Variants in AMPH observed in about 807,000 individuals in gnomAD.
AMPH encodes the protein amphiphysin.
AMPH carries 49 observed loss-of-function variants against 99.1 expected under a neutral mutation model. That is an observed-to-expected ratio of 0.49 (90% CI 0.39 to 0.63). The LOEUF (loss-of-function observed/expected upper bound fraction) is 0.63. Among genes scored for constraint, AMPH ranks in the 20% least tolerant of loss-of-function variants. The pLI, the probability that AMPH is intolerant of heterozygous loss-of-function variation, is 0.00. For missense variants in AMPH, 759 were observed against 863.4 expected, an observed-to-expected ratio of 0.88 and a Z score of 1.52; for synonymous variants, 314 against 317.3, an observed-to-expected ratio of 0.99 and a Z score of 0.11.
intron 14 of AMPH, chr7:38,429,009 TC>T (rs1286879140): frequency 7.8e-7 from 1 of 1,290,012 alleles, no homozygotes; most frequent in Non-Finnish European, 1.0e-6. Context: ...CTCTTCAAAT[TC>T]CTCTGTACCT....
chr7:38,440,232 G>C (rs1313207106), intron 11 of AMPH, among the ~76,000 whole-genome samples: 1 of 152,192 alleles, frequency 6.6e-6, no homozygotes, highest in Non-Finnish European at 1.5e-5. Context: ...GGTAGCAGTA[G>C]ATTTCTCACC....
intron 1 of AMPH, among the ~76,000 whole-genome samples, chr7:38,560,028 A>C (rs1393611943): frequency 6.6e-6 from 1 of 152,256 alleles, no homozygotes; most frequent in Non-Finnish European, 1.5e-5. Flanking sequence ...CTGTGGTTAC[A>C]AAAAGGCCCA....
At chr7:38,537,240 T>C (rs185817862) in intron 1 of AMPH, among the ~76,000 whole-genome samples, 1 of 152,180 alleles carries the variant, frequency 6.6e-6, no homozygotes, top group Admixed American at 6.5e-5. Flanking sequence ...GAGGCAACCA[T>C]GAGGGACCTA....
intron 1 of AMPH, among the ~76,000 whole-genome samples, chr7:38,537,746 A>G (rs188986818): frequency 8.7e-4 from 133 of 152,364 alleles, no homozygotes; most frequent in Admixed American, 1.8e-3. Flanking sequence ...GTCTGCACTA[A>G]CAAAACTTAA....
At chr7:38,524,154 T>A (rs1411843685) in intron 2 of AMPH, among the ~76,000 whole-genome samples, 1 of 152,092 alleles carries the variant, frequency 6.6e-6, no homozygotes, top group Non-Finnish European at 1.5e-5. Flanking sequence ...AGCTAATTAT[T>A]AACACGAAGC....
Position 38,466,045 on chromosome 7 carries a change from A to AAC in AMPH, c.666+126_666+127dup, listed in dbSNP as rs528963927. The stretch of plus-strand genomic sequence containing the variant: ...CCGTAGAAATGTTATCGAGGGTAAT[A>AAC]ACACACTGCTAAAAGAAACATACAA... On this transcript the variant is annotated intron_variant, in intron 8 of 20. Coordinates refer to ENST00000356264, the MANE Select transcript of AMPH (RefSeq NM_001635.4). 838 of 715,428 alleles carry AAC rather than the reference A, an allele frequency of 1.2e-3. 4 individuals are homozygous for AAC. Among genetic ancestry groups the AAC allele is most frequent in the Middle Eastern group, 7.7e-3 (28 of 3,614 alleles). The allele number at this position is 715,428 out of a possible 1,614,324, so 44.3% of individuals were successfully genotyped here. A position where few individuals can be genotyped will look rare whatever the true frequency, so the allele number is the denominator to read the frequency against.
chr7:38,469,276 G>A (rs2129011765), intron 7 of AMPH, among the ~76,000 whole-genome samples: 1 of 151,154 alleles, frequency 6.6e-6, no homozygotes, highest in East Asian at 2.0e-4. Flanking sequence ...GGGACTCTGA[G>A]ACATCACCAT....
At chr7:38,502,807 T>C (rs1056948684) in intron 3 of AMPH, among the ~76,000 whole-genome samples, 3 of 152,174 alleles carry the variant, frequency 2.0e-5, no homozygotes, top group African/African-American at 4.8e-5. Context: ...CTGAAGTTAA[T>C]AGAGTCCAGT....
chr7:38,612,141 A>G (rs888436860), intron 1 of AMPH, among the ~76,000 whole-genome samples: 12 of 136,820 alleles, frequency 8.8e-5, no homozygotes, highest in African/African-American at 3.4e-4. Flanking sequence ...CAGTGGCACA[A>G]TCTTGGCTCA....
chr7:38,419,408 T>C, intron 16 of AMPH, among the ~76,000 whole-genome samples: 1 of 152,130 alleles, frequency 6.6e-6, no homozygotes, highest in African/African-American at 2.4e-5. Flanking sequence ...CATAATAAAT[T>C]CAAGGGACTG....
chr7:38,417,971 G>C, intron 16 of AMPH, 21 bp from the exon 17 acceptor site: 1 of 1,606,842 alleles, frequency 6.2e-7, no homozygotes, highest in Non-Finnish European at 8.5e-7. Flanking sequence ...TTGTTTTGAG[G>C]GTTAGAGGAA....
At chr7:38,430,455 T>C (rs1374775139) in intron 13 of AMPH, among the ~76,000 whole-genome samples, 1 of 152,236 alleles carries the variant, frequency 6.6e-6, no homozygotes, top group African/African-American at 2.4e-5. Context: ...TGAGCAACTA[T>C]GTTCAGAAAG....
intron 1 of AMPH, among the ~76,000 whole-genome samples, chr7:38,607,695 A>G (rs1320952714): frequency 6.6e-6 from 1 of 152,212 alleles, no homozygotes; most frequent in Non-Finnish European, 1.5e-5. Context: ...CAATAAAATG[A>G]AAGTGCAGGG....
intron 3 of AMPH, among the ~76,000 whole-genome samples, chr7:38,502,175 T>C (rs539968783): frequency 1.3e-5 from 2 of 152,344 alleles, no homozygotes; most frequent in Admixed American, 1.3e-4. Flanking sequence ...TATTAAGTTT[T>C]ACATACTTAC....
At chr7:38,577,318 T>C (rs889614457) in intron 1 of AMPH, among the ~76,000 whole-genome samples, 5 of 152,198 alleles carry the variant, frequency 3.3e-5, no homozygotes, top group Non-Finnish European at 7.3e-5. Flanking sequence ...ATCCCTAGGC[T>C]GTAGTTCCAG....
intron 3 of AMPH, among the ~76,000 whole-genome samples, chr7:38,502,331 A>G (rs1449517462): frequency 1.3e-5 from 2 of 152,188 alleles, no homozygotes; most frequent in Non-Finnish European, 1.5e-5. Flanking sequence ...ACAGCGATGC[A>G]TAGCAGACAC....
chr7:38,425,508 A>T (rs1321016057), intron 15 of AMPH, among the ~76,000 whole-genome samples: 1 of 152,242 alleles, frequency 6.6e-6, no homozygotes, highest in Admixed American at 6.5e-5. Flanking sequence ...GAAAACAAAA[A>T]GTTGGCATGA....
At chr7:38,422,395 G>C in intron 16 of AMPH, 26 bp downstream of exon 16, 1 of 1,599,548 alleles carries the variant, frequency 6.3e-7, no homozygotes, top group South Asian at 1.1e-5. Context: ...ACAACTTCCT[G>C]AGAGCACAAA....
intron 11 of AMPH, among the ~76,000 whole-genome samples, chr7:38,460,508 A>G (rs1787398407): frequency 6.6e-6 from 1 of 152,220 alleles, no homozygotes; most frequent in South Asian, 2.1e-4. Flanking sequence ...AGACACACAC[A>G]CACTACTGAA....
Sources: allele counts gnomAD v4.1 joint callset (sites outside exome capture counted in the v4.1 genomes callset), GRCh38; gene constraint gnomAD v4.1.1; transcripts MANE v1.5; gene names NCBI Gene and HGNC (gene_info 2026-07-23, HGNC 2026-07-21).